Variants in SERPINB12 observed in about 807,000 individuals in gnomAD.
SERPINB12 encodes the protein serpin B12.
SERPINB12 carries 57 observed loss-of-function variants against 41.1 expected under a neutral mutation model. The ratio of observed to expected loss-of-function variants is 1.39; its 90% CI spans 1.12 to 1.73. The LOEUF (loss-of-function observed/expected upper bound fraction) is 1.73, where lower values mean the gene tolerates loss of function less well. Among genes scored for constraint, SERPINB12 ranks in the 40% most tolerant of loss-of-function variants. The pLI is 0.00. For synonymous variants in SERPINB12, 180 were observed against 181.3 expected (o/e 0.99, Z 0.06); for missense variants, 536 against 501.9 (o/e 1.07, Z -0.65).
At position 63,556,262 on chromosome 18, in the gene SERPINB12, C is replaced by T. The variant is rs1910672220; in HGVS notation, c.103C>T (p.Leu35Phe). The T allele has an allele frequency of 6.2e-7, 1 of 1,613,988 alleles. No homozygotes were observed. The highest frequency in any genetic ancestry group is 8.5e-7 in the Non-Finnish European group (1 of 1,179,970). Residue 35 changes from leucine (L) to phenylalanine (F), a missense_variant, in exon 2 of 8, where the codon CTC (leucine) becomes TTC (phenylalanine). Coordinates refer to ENST00000382768, the MANE Select transcript of SERPINB12 (RefSeq NM_001307928.2). ...HKNIFFSPLS[L>F]SAALGMVRLG... The stretch of plus-strand genomic sequence containing the variant: ...AAACATATTTTTCTCTCCCCTGAGC[C>T]TCTCAGCTGCCCTTGGTATGGTACG...
chr18:63,547,972 G>C (rs1347882302), intron 1 of SERPINB12, among the ~76,000 whole-genome samples: 1 of 152,128 alleles, frequency 6.6e-6, no homozygotes, highest in Non-Finnish European at 1.5e-5. Flanking sequence ...CTACCATTGT[G>C]TTCTTCACGG....
the SERPINB12 span, among the ~76,000 whole-genome samples, chr18:63,535,364 A>G: frequency 6.6e-6 from 1 of 152,182 alleles, no homozygotes. Flanking sequence ...AAAAAGGAAC[A>G]TGATATGCCT....
chr18:63,566,639 G>C lies in SERPINB12; in HGVS notation c.906G>C (p.Val302=). ...GGAAAATCACCTATGAAAAAATGGTGGCCTGGAGCAGCTCAGAAAACATGT... is the reference window on the plus strand; with the variant it reads ...GGAAAATCACCTATGAAAAAATGGTCGCCTGGAGCAGCTCAGAAAACATGT... ...LERKITYEKM[V]AWSSSENMSE... Residue 302 remains valine, a synonymous_variant, in exon 8 of 8, where the codon GTG becomes GTC. Transcript: ENST00000382768. 1 of 1,610,960 alleles carries C rather than the reference G, an allele frequency of 6.2e-7. No homozygotes were observed. The highest frequency in any genetic ancestry group is 8.5e-7 in the Non-Finnish European group (1 of 1,179,242).
At position 63,567,204 on chromosome 18, in the gene SERPINB12, G is replaced by A. The variant is rs111828462; in HGVS notation, c.*193G>A. On this transcript the variant is annotated 3_prime_UTR_variant, in exon 8 of 8. Transcript: ENST00000382768. Reference sequence around the variant, plus strand: ...TCATCTGAGTCTGTTAGTATTGAAGGGCTGTTGTTCTCTACCCTAAACTTT... The same window carrying A: ...TCATCTGAGTCTGTTAGTATTGAAGAGCTGTTGTTCTCTACCCTAAACTTT... 1.3e-4 allele frequency among the ~76,000 whole-genome samples: 20 copies of A among 152,222 alleles called. No individual in the cohort carries two copies. The highest frequency in any genetic ancestry group is 4.6e-4 in the African/African-American group (19 of 41,534).
intron 2 of SERPINB12, among the ~76,000 whole-genome samples, chr18:63,557,039 A>G (rs1258589158): frequency 2.0e-5 from 3 of 152,174 alleles, no homozygotes; most frequent in Non-Finnish European, 4.4e-5. Context: ...TTCACTCATG[A>G]TAGCAGTTCA....
intron 1 of SERPINB12, among the ~76,000 whole-genome samples, chr18:63,544,561 A>G (rs2144315006): frequency 6.6e-6 from 1 of 152,038 alleles, no homozygotes; most frequent in African/African-American, 2.4e-5. Flanking sequence ...TGCTTTTTCT[A>G]TGTGTTCTTT....
At chr18:63,543,079 G>A (rs1457794788) in intron 1 of SERPINB12, among the ~76,000 whole-genome samples, 4 of 152,068 alleles carry the variant, frequency 2.6e-5, no homozygotes, top group Non-Finnish European at 5.9e-5. Flanking sequence ...GCAACTTAAG[G>A]CCTTCTCCAA....
chr18:63,546,895 G>T (rs1275120377), intron 1 of SERPINB12, among the ~76,000 whole-genome samples: 1 of 152,140 alleles, frequency 6.6e-6, no homozygotes, highest in Non-Finnish European at 1.5e-5. Flanking sequence ...TCCCGACAGG[G>T]TGTGGAGGGA....
At chr18:63,555,012 C>T (rs1224668329) in intron 1 of SERPINB12, among the ~76,000 whole-genome samples, 2 of 152,158 alleles carry the variant, frequency 1.3e-5, no homozygotes, top group African/African-American at 4.8e-5. Flanking sequence ...TTCTCCTTCT[C>T]CTTCCGCCAT....
chr18:63,554,904 G>C (rs952131692), intron 1 of SERPINB12, among the ~76,000 whole-genome samples: 1 of 152,176 alleles, frequency 6.6e-6, no homozygotes, highest in Non-Finnish European at 1.5e-5. Context: ...TCTTGTGATA[G>C]TGAGTGAATT....
intron 1 of SERPINB12, among the ~76,000 whole-genome samples, chr18:63,553,077 C>T (rs1910574954): frequency 6.6e-6 from 1 of 152,148 alleles, no homozygotes; most frequent in Admixed American, 6.5e-5. Context: ...AGCTTAGAAC[C>T]AGGTAACACT....
chr18:63,541,568 T>A (rs115509593), upstream of SERPINB12, among the ~76,000 whole-genome samples: 1,032 of 152,312 alleles, frequency 6.8e-3, 11 homozygotes, highest in African/African-American at 0.023. Context: ...TAACCAAATA[T>A]GAACCACGTT....
the SERPINB12 span, among the ~76,000 whole-genome samples, chr18:63,528,585 A>T: frequency 6.6e-6 from 1 of 152,126 alleles, no homozygotes; most frequent in Non-Finnish European, 1.5e-5. Flanking sequence ...AGGGGAAAAA[A>T]GTAAAATAGC....
At chr18:63,541,427 T>TA (rs1158001051), upstream of SERPINB12, among the ~76,000 whole-genome samples, 6 of 152,162 alleles carry the variant, frequency 3.9e-5, no homozygotes, top group Non-Finnish European at 7.4e-5. Flanking sequence ...AAGTTACACT[T>TA]AGAGACAGGA....
chr18:63,558,343 A>G lies in SERPINB12; in HGVS notation c.169-9A>G, dbSNP rs772569470. The G allele has an allele frequency of 6.2e-7, 1 of 1,608,850 alleles. No homozygotes were observed. Among genetic ancestry groups the G allele is most frequent in the Non-Finnish European group, 8.5e-7 (1 of 1,178,486 alleles). On this transcript the variant is annotated splice_polypyrimidine_tract_variant and intron_variant, in intron 2 of 7. Transcript: ENST00000382768. ...ATTATCTGAAAGACCCCATCCCGTT[A>G]TCATGCAGGTACTACACTTCAACGA...
chr18:63,535,433 A>G, the SERPINB12 span, among the ~76,000 whole-genome samples: 1 of 152,176 alleles, frequency 6.6e-6, no homozygotes, highest in Admixed American at 6.6e-5. Context: ...GCGTAACTCG[A>G]ATCTAATCAT....
the SERPINB12 span, among the ~76,000 whole-genome samples, chr18:63,530,933 G>T: frequency 3.9e-5 from 6 of 152,162 alleles, no homozygotes; most frequent in Non-Finnish European, 8.8e-5. Flanking sequence ...GCTACTAAGT[G>T]CCAGGCACTT....
chr18:63,551,270 A>G (rs1369680194), intron 1 of SERPINB12, among the ~76,000 whole-genome samples: 1 of 152,096 alleles, frequency 6.6e-6, no homozygotes, highest in Non-Finnish European at 1.5e-5. Flanking sequence ...CTCCATCTCA[A>G]ACAAACAAAC....
chr18:63,553,071 T>C (rs1910574778), intron 1 of SERPINB12, among the ~76,000 whole-genome samples: 1 of 152,166 alleles, frequency 6.6e-6, no homozygotes, highest in Non-Finnish European at 1.5e-5. Context: ...AATGAAAGCT[T>C]AGAACCAGGT....
Sources: allele counts gnomAD v4.1 joint callset (sites outside exome capture counted in the v4.1 genomes callset), GRCh38; gene constraint gnomAD v4.1.1; transcripts MANE v1.5; gene names NCBI Gene and HGNC (gene_info 2026-07-23, HGNC 2026-07-21).